UNC80: variants seen among roughly 807,000 people sequenced by gnomAD.
UNC80 encodes the protein protein unc-80 homolog.
Under a neutral mutation model 384.6 loss-of-function variants are expected in UNC80, and 164 were observed. The ratio of observed to expected loss-of-function variants is 0.43; its 90% CI spans 0.38 to 0.49. UNC80 has a LOEUF of 0.49. Ranked by LOEUF, UNC80 falls within the 20% of genes least tolerant of loss-of-function variation. UNC80 has a pLI of 0.00. For synonymous variants in UNC80, 1,486 were observed against 1,527.8 expected, an observed-to-expected ratio of 0.97 and a Z score of 0.64; for missense variants, 3,330 against 4,143.0, an observed-to-expected ratio of 0.80 and a Z score of 5.39.
At chr2:209,896,435 A>T (rs1451613203) in intron 28 of UNC80, 22 bp downstream of exon 28, 1 of 1,531,176 alleles carries the variant, frequency 6.5e-7, no homozygotes, top group Non-Finnish European at 8.9e-7. Context: ...TCTCAGAAAC[A>T]GCCCTGAGAT....
intron 4 of UNC80, among the ~76,000 whole-genome samples, chr2:209,778,708 A>G (rs867869269): frequency 1.3e-5 from 2 of 152,352 alleles, no homozygotes; most frequent in South Asian, 2.1e-4. Flanking sequence ...AAAAGAAATC[A>G]AGAACTATTC....
In UNC80 at chr2:209,813,601, G is replaced by C. The variant is rs989128759; in HGVS notation, c.960G>C (p.Pro320=). The change falls in exon 8 of 65, where the codon CCG becomes CCC. Residue 320 remains proline (P), a synonymous_variant. Coordinates refer to ENST00000673920, the MANE Select transcript of UNC80 (RefSeq NM_001371986.1). Reference sequence around the variant, plus strand: ...ACAGGGCCTCTCTTGTGATACCTCCGTGCCAAAGGTCCCGCTATGCCACCT... The same window carrying C: ...ACAGGGCCTCTCTTGTGATACCTCCCTGCCAAAGGTCCCGCTATGCCACCT... The part of the protein sequence containing the change: ...SHSRASLVIP[P]CQRSRYATYF... The C allele has an allele frequency of 1.3e-6, 2 of 1,551,498 alleles. No homozygotes were observed. Among genetic ancestry groups the C allele is most frequent in the East Asian group, 2.4e-5 (1 of 40,910 alleles).
intron 8 of UNC80, among the ~76,000 whole-genome samples, chr2:209,814,481 C>T (rs555285590): frequency 2.5e-4 from 38 of 152,206 alleles, no homozygotes; most frequent in Non-Finnish European, 4.7e-4. Context: ...CTCCTGACCT[C>T]GTGATCCACC....
At chr2:209,820,795 GT>G (rs1235421794) in intron 13 of UNC80, 116 bp downstream of exon 13, 1 of 1,119,752 alleles carries the variant, frequency 8.9e-7, no homozygotes, top group Admixed American at 2.9e-5. Flanking sequence ...GAGCAAAAAA[GT>G]GGAGAGTGGA....
intron 14 of UNC80, among the ~76,000 whole-genome samples, chr2:209,827,058 T>A (rs1347452855): frequency 6.6e-6 from 1 of 152,146 alleles, no homozygotes; most frequent in Non-Finnish European, 1.5e-5. Context: ...TTTTAGTTTA[T>A]TATGTTTATA....
chr2:209,979,917 T>G (rs1043512143), intron 59 of UNC80, among the ~76,000 whole-genome samples: 23 of 152,140 alleles, frequency 1.5e-4, no homozygotes, highest in African/African-American at 5.6e-4. Flanking sequence ...TTAACTAAGA[T>G]GAATAAAAGT....
intron 38 of UNC80, 138 bp downstream of exon 38, chr2:209,931,192 C>T: frequency 1.8e-6 from 1 of 566,138 alleles, no homozygotes; most frequent in Non-Finnish European, 3.1e-6. Context: ...TAGGGAAGCC[C>T]CTGCCTGGCA....
intron 53 of UNC80, chr2:209,970,347 G>C (rs1006811975): frequency 5.7e-6 from 1 of 174,890 alleles, no homozygotes; most frequent in Non-Finnish European, 1.2e-5. Context: ...GTAATATCTA[G>C]AGTCTGGTCC....
At chr2:209,866,215 G>A (rs1021599286) in intron 22 of UNC80, among the ~76,000 whole-genome samples, 1 of 151,838 alleles carries the variant, frequency 6.6e-6, no homozygotes, top group Non-Finnish European at 1.5e-5. Flanking sequence ...ATATAAGATA[G>A]ATCTTTTCAT....
At chr2:209,960,406 T>G (rs2092553292) in intron 51 of UNC80, among the ~76,000 whole-genome samples, 1 of 152,216 alleles carries the variant, frequency 6.6e-6, no homozygotes, top group African/African-American at 2.4e-5. Flanking sequence ...TATTTGTGTT[T>G]CAAAAGGAAC....
At chr2:209,956,663 C>T (rs2092431011) in intron 48 of UNC80, among the ~76,000 whole-genome samples, 1 of 152,010 alleles carries the variant, frequency 6.6e-6, no homozygotes, top group African/African-American at 2.4e-5. Flanking sequence ...ATGTGCAGCG[C>T]ACCAGCATAG....
chr2:209,885,027 G>A (rs189101154), intron 25 of UNC80, among the ~76,000 whole-genome samples: 9 of 151,722 alleles, frequency 5.9e-5, no homozygotes, highest in Non-Finnish European at 1.2e-4. Context: ...AAACCTGCAC[G>A]CCCTGCACAT....
At chr2:209,909,138 C>T (rs1289753414) in intron 29 of UNC80, among the ~76,000 whole-genome samples, 1 of 152,174 alleles carries the variant, frequency 6.6e-6, no homozygotes, top group Non-Finnish European at 1.5e-5. Flanking sequence ...TCCTACACTT[C>T]TCTAGGAGTG....
At chr2:209,791,325 T>C (rs896708810) in intron 6 of UNC80, among the ~76,000 whole-genome samples, 1 of 152,308 alleles carries the variant, frequency 6.6e-6, no homozygotes, top group South Asian at 2.1e-4. Flanking sequence ...TAGGAACCTA[T>C]AGTGGATCCT....
At position 209,888,117 on chromosome 2, in the gene UNC80, G is replaced by T; in HGVS notation, c.4133G>T (p.Arg1378Leu). Residue 1378 changes from arginine to leucine, a missense_variant, in exon 26 of 65, where the codon CGT (arginine) becomes CTT (leucine). This residue lies in a region of UNC80 where 801 missense variants were observed against 950.8 expected (regional missense o/e 0.84). Transcript: ENST00000673920. ...PLVDLESCRLRLDPELDRHRY... is the reference protein window; with the variant it reads ...PLVDLESCRLLLDPELDRHRY... The stretch of plus-strand genomic sequence containing the variant: ...TAGGACTTGGAGAGCTGCAGACTTC[G>T]TTTGGATCCCGAGTTGGACCGGCAC... The T allele has an allele frequency of 6.4e-7, 1 of 1,551,656 alleles. No homozygotes were observed. The highest frequency in any genetic ancestry group is 8.7e-7 in the Non-Finnish European group (1 of 1,146,978).
intron 7 of UNC80, among the ~76,000 whole-genome samples, chr2:209,806,573 A>G (rs2078914371): frequency 6.6e-6 from 1 of 152,256 alleles, no homozygotes; most frequent in Admixed American, 6.5e-5. Context: ...GATGCAAAGT[A>G]AAACTTTCAG....
At chr2:209,986,113 C>G (rs1453485719) in intron 61 of UNC80, among the ~76,000 whole-genome samples, 1 of 152,220 alleles carries the variant, frequency 6.6e-6, no homozygotes, top group Non-Finnish European at 1.5e-5. Flanking sequence ...AGAAACAAAA[C>G]AGTCCTCAAG....
At chr2:209,855,453 AG>A (rs2082837263) in intron 22 of UNC80, among the ~76,000 whole-genome samples, 1 of 152,176 alleles carries the variant, frequency 6.6e-6, no homozygotes, top group Admixed American at 6.5e-5. Context: ...CATGTACCCA[AG>A]AACTTATAAA....
Position 209,941,432 on chromosome 2 carries a change from C to A in UNC80, c.6858C>A (p.His2286Gln), listed in dbSNP as rs1252633870. 2 of 1,546,236 alleles carry A rather than the reference C, an allele frequency of 1.3e-6. No individual in the cohort carries two copies. Among genetic ancestry groups the A allele is most frequent in the Admixed American group, 3.9e-5 (2 of 50,896 alleles). Residue 2286 changes from histidine (H) to glutamine (Q), a missense_variant, in exon 44 of 65, where the codon CAC (histidine) becomes CAA (glutamine). By Grantham distance (24) the His-to-Gln change is conservative. Coordinates refer to ENST00000673920, the MANE Select transcript of UNC80 (RefSeq NM_001371986.1). ...YAATVINTAV[H>Q]FNHLFSLSGY... is the part of the protein sequence containing the mutation. ...CCACCGTCATCAACACCGCGGTGCA[C>A]TTCAACCACCTCTTCTCTCTCAGCG...
Sources: gnomAD v4.1 joint callset for allele counts (sites outside exome capture counted in the v4.1 genomes callset) on GRCh38, gnomAD v4.1.1 for gene constraint, gnomAD v4.1.1 regional missense constraint, MANE v1.5 for transcripts, NCBI Gene and HGNC (gene_info 2026-07-23, HGNC 2026-07-21) for gene names.